Variants in ZNF354B observed in about 807,000 individuals in gnomAD.
ZNF354B encodes the protein zinc finger protein 354B.
ZNF354B carries 10 observed loss-of-function variants against 12.9 expected under a neutral mutation model. That is an observed-to-expected ratio of 0.77 (90% confidence interval 0.48 to 1.31). The LOEUF (loss-of-function observed/expected upper bound fraction) is 1.31, where lower values mean the gene tolerates loss of function less well. Ranked by LOEUF, ZNF354B falls within the 40% of genes most tolerant of loss-of-function variation. The pLI is 0.00. For missense variants in ZNF354B, 614 were observed against 711.7 expected, an observed-to-expected ratio of 0.86 and a Z score of 1.56; for synonymous variants, 260 against 243.7, an observed-to-expected ratio of 1.07 and a Z score of -0.62.
At chr5:178,863,419 CCTAATGA>C (rs1463385998) in intron 2 of ZNF354B, among the ~76,000 whole-genome samples, 1 of 152,148 alleles carries the variant, frequency 6.6e-6, no homozygotes, top group Non-Finnish European at 1.5e-5. Flanking sequence ...ATTCCTGTCT[CCTAATGA>C]CTAAGTAGCT....
intron 2 of ZNF354B, among the ~76,000 whole-genome samples, chr5:178,864,006 TAAA>T (rs1465734339): frequency 2.0e-5 from 3 of 152,254 alleles, no homozygotes. Flanking sequence ...TTGAAAAAAT[TAAA>T]AAGTTTAGAA....
intron 4 of ZNF354B, 42 bp downstream of exon 4, chr5:178,867,113 A>G (rs1469288745): frequency 8.4e-6 from 13 of 1,555,848 alleles, no homozygotes; most frequent in South Asian, 3.3e-5. Context: ...GCCGCAGACA[A>G]TGGTCTGGTT....
Position 178,867,076 on chromosome 5 carries a change from G to A in ZNF354B, c.256+5G>A, listed in dbSNP as rs372297953. 8.1e-6 allele frequency: 13 copies of A among 1,612,184 alleles called. No homozygotes were observed. In the African/African-American group the frequency reaches 1.5e-4, roughly 18 times the overall value. ...GTTCTGGTGTCTCCTCTCTAGGTAAGTGGGTGGCCCGAGGTGCTCGGGAAT... is the reference window on the plus strand; with the variant it reads ...GTTCTGGTGTCTCCTCTCTAGGTAAATGGGTGGCCCGAGGTGCTCGGGAAT... On this transcript the variant is annotated splice_donor_5th_base_variant and intron_variant, in intron 4 of 4. Coordinates refer to ENST00000322434, the MANE Select transcript of ZNF354B (RefSeq NM_058230.3).
At chr5:178,878,314 C>T (rs1269680294) in intron 4 of ZNF354B, among the ~76,000 whole-genome samples, 5 of 151,164 alleles carry the variant, frequency 3.3e-5, no homozygotes, top group Non-Finnish European at 5.9e-5. Context: ...ACCCGGGAGG[C>T]GGAGCTTGCA....
chr5:178,875,631 C>G (rs1182332426), intron 4 of ZNF354B, among the ~76,000 whole-genome samples: 1 of 152,208 alleles, frequency 6.6e-6, no homozygotes, highest in Non-Finnish European at 1.5e-5. Context: ...CATGGAGCCA[C>G]TGCTACTGGG....
intron 4 of ZNF354B, among the ~76,000 whole-genome samples, chr5:178,877,561 C>T (rs1409846072): frequency 6.6e-6 from 1 of 152,138 alleles, no homozygotes; most frequent in African/African-American, 2.4e-5. Flanking sequence ...CTCTGGAAGC[C>T]ACATCAGGTC....
rs1007159500 is a variant in ZNF354B, at chr5:178,884,874, C to T, written c.*583C>T. The stretch of plus-strand genomic sequence containing the variant: ...TAGTGGGGGACTACATTCGCACTTT[C>T]TCCTGAAATATATATATATATGCAG... On this transcript the variant is annotated 3_prime_UTR_variant, in exon 5 of 5. Coordinates refer to ENST00000322434, the MANE Select transcript of ZNF354B (RefSeq NM_058230.3). 2.0e-5 allele frequency: 3 copies of T among 152,148 alleles called. No individual in the cohort carries two copies. Among genetic ancestry groups the T allele is most frequent in the Non-Finnish European group, 4.4e-5 (3 of 68,072 alleles). The allele number at this position is 152,148 out of a possible 1,614,324, so 9.4% of individuals were successfully genotyped here.
intron 4 of ZNF354B, among the ~76,000 whole-genome samples, chr5:178,867,853 A>ATTT (rs1757487345): frequency 6.6e-6 from 1 of 152,190 alleles, no homozygotes; most frequent in Admixed American, 6.5e-5. Context: ...ATTTACATGT[A>ATTT]ACATTTTAAT....
chr5:178,881,177 T>G (rs1217017534), intron 4 of ZNF354B, among the ~76,000 whole-genome samples: 1 of 152,094 alleles, frequency 6.6e-6, no homozygotes, highest in Non-Finnish European at 1.5e-5. Flanking sequence ...TCTGTTCCAG[T>G]GATTATCTAC....
chr5:178,862,223 G>C (rs904867244), intron 2 of ZNF354B, among the ~76,000 whole-genome samples: 1 of 152,130 alleles, frequency 6.6e-6, no homozygotes, highest in African/African-American at 2.4e-5. Flanking sequence ...GCTCAGAAAA[G>C]TTAAGTAACC....
intron 4 of ZNF354B, among the ~76,000 whole-genome samples, chr5:178,871,285 A>G (rs537461397): frequency 6.6e-6 from 1 of 152,024 alleles, no homozygotes; most frequent in Admixed American, 6.5e-5. Context: ...GCTGTTTGTC[A>G]GGGGGGCCAA....
In ZNF354B at chr5:178,884,173, G is replaced by C; in HGVS notation, c.1721G>C (p.Gly574Ala). The C allele has an allele frequency of 1.9e-6, 3 of 1,614,018 alleles. No individual in the cohort carries two copies. The highest frequency in any genetic ancestry group is 2.5e-6 in the Non-Finnish European group (3 of 1,179,938). ...SLIAHQRIHT[G>A]EKPYECNACG... ...ATTGCACATCAAAGAATTCATACTG[G>C]AGAGAAACCCTATGAATGTAATGCA... is the stretch of plus-strand genomic sequence containing the variant. Residue 574 changes from glycine (G) to alanine (A), a missense_variant, in exon 5 of 5, where the codon GGA becomes GCA. Transcript: ENST00000322434.
At position 178,884,053 on chromosome 5, in the gene ZNF354B, G is replaced by C; in HGVS notation, c.1601G>C (p.Ser534Thr). The change falls in exon 5 of 5, where the codon AGT becomes ACT. Residue 534 changes from serine (S) to threonine (T), a missense_variant. Physicochemically the swap from Ser to Thr is moderately conservative, Grantham distance 58. Coordinates refer to ENST00000322434, the MANE Select transcript of ZNF354B (RefSeq NM_058230.3). ...GAATGTGGGATGTCTTTTGGCCAAA[G>C]TGCAGCTCTTATACAACATCAGAGG... ...CLECGMSFGQ[S>T]AALIQHQRIH... The C allele has an allele frequency of 6.2e-7, 1 of 1,614,074 alleles. No homozygotes were observed. The highest frequency in any genetic ancestry group is 8.5e-7 in the Non-Finnish European group (1 of 1,179,970).
intron 4 of ZNF354B, among the ~76,000 whole-genome samples, chr5:178,876,900 G>A (rs1757645439): frequency 6.8e-6 from 1 of 147,096 alleles, no homozygotes; most frequent in South Asian, 2.1e-4. Context: ...TCCATTGACT[G>A]AACCATACTT....
chr5:178,863,380 G>T (rs1299065171), intron 2 of ZNF354B, among the ~76,000 whole-genome samples: 1 of 145,108 alleles, frequency 6.9e-6, no homozygotes, highest in African/African-American at 2.5e-5. Flanking sequence ...TGTGATAGTG[G>T]TCCCATAAGA....
chr5:178,862,569 C>G (rs956570625), intron 2 of ZNF354B, among the ~76,000 whole-genome samples: 12 of 152,084 alleles, frequency 7.9e-5, no homozygotes, highest in Non-Finnish European at 1.5e-4. Context: ...GGGGTTTCAC[C>G]ATGTTGGCCA....
chr5:178,881,064 A>G (rs1757709782), intron 4 of ZNF354B, among the ~76,000 whole-genome samples: 1 of 151,716 alleles, frequency 6.6e-6, no homozygotes, highest in Non-Finnish European at 1.5e-5. Context: ...GGCTGGTCTC[A>G]AACTCCTGAC....
At chr5:178,874,345 C>T (rs1422313727) in intron 4 of ZNF354B, among the ~76,000 whole-genome samples, 6 of 152,346 alleles carry the variant, frequency 3.9e-5, no homozygotes, top group African/African-American at 1.4e-4. Context: ...TTCCAAGTTA[C>T]TTGCCTTCTC....
At chr5:178,882,185 C>T (rs1431942850) in intron 4 of ZNF354B, among the ~76,000 whole-genome samples, 2 of 152,130 alleles carry the variant, frequency 1.3e-5, no homozygotes, top group African/African-American at 4.8e-5. Context: ...CTCAGCATCT[C>T]TAGATGTGTA....
Sources: allele counts gnomAD v4.1 joint callset (sites outside exome capture counted in the v4.1 genomes callset), GRCh38; gene constraint gnomAD v4.1.1; transcripts MANE v1.5; gene names NCBI Gene and HGNC (gene_info 2026-07-23, HGNC 2026-07-21).